Variants in CACNA2D3 observed in about 807,000 individuals in gnomAD.
CACNA2D3 encodes calcium voltage-gated channel auxiliary subunit alpha2delta 3.
A neutral mutation model predicts 160.6 loss-of-function variants in CACNA2D3; 60 were observed. That is an observed-to-expected ratio of 0.37 (90% confidence interval 0.30 to 0.46). The LOEUF is 0.46. CACNA2D3 is among the 20% of genes least tolerant of loss of function. The pLI is 1.00. For missense variants in CACNA2D3, 1,205 were observed against 1,365.0 expected, an observed-to-expected ratio of 0.88 and a Z score of 1.85; for synonymous variants, 558 against 492.9, an observed-to-expected ratio of 1.13 and a Z score of -1.75.
intron 27 of CACNA2D3, among the ~76,000 whole-genome samples, chr3:54,903,673 A>G (rs1700390039): frequency 6.6e-6 from 1 of 152,230 alleles, no homozygotes; most frequent in African/African-American, 2.4e-5. Flanking sequence ...CACTCCCACC[A>G]ACAGTGTATA....
intron 27 of CACNA2D3, among the ~76,000 whole-genome samples, chr3:54,911,351 C>CTGTTTTT (rs1700551632): frequency 1.7e-5 from 1 of 58,586 alleles, no homozygotes; most frequent in African/African-American, 8.8e-5. Flanking sequence ...TCTTTGTCGT[C>CTGTTTTT]TTTTTTTTTT....
intron 27 of CACNA2D3, among the ~76,000 whole-genome samples, chr3:54,933,058 TTCCTTCCTTCC>T (rs1228534882): frequency 3.4e-3 from 24 of 7,052 alleles, no homozygotes; most frequent in Non-Finnish European, 6.2e-3. Flanking sequence ...CCTCCCTTCC[TTCCTTCCTTCC>T]TTCCTTCCTT....
chr3:55,045,315 G>T (rs1704051703), intron 35 of CACNA2D3, among the ~76,000 whole-genome samples: 1 of 152,192 alleles, frequency 6.6e-6, no homozygotes, highest in Non-Finnish European at 1.5e-5. Flanking sequence ...CTCCCAAAGT[G>T]CTGGGATTAC....
intron 2 of CACNA2D3, among the ~76,000 whole-genome samples, chr3:54,234,252 C>G (rs1478770698): frequency 6.6e-6 from 1 of 152,120 alleles, no homozygotes; most frequent in African/African-American, 2.4e-5. Context: ...TAGCTCAGAT[C>G]ATTAGAGAAA....
Position 54,574,735 on chromosome 3 carries a change from G to C in CACNA2D3, c.888+4631G>C, listed in dbSNP as rs189414037. On this transcript the variant is annotated intron_variant, in intron 8 of 37. Transcript: ENST00000474759. The stretch of plus-strand genomic sequence containing the variant: ...AAAAATGAGGGTGCTAATTCTGTCC[G>C]ATGTTGAAATTTGAAAAATGACTTT... 2.8e-4 allele frequency among the ~76,000 whole-genome samples: 42 copies of C among 152,294 alleles called. No individual in the cohort carries two copies. In the East Asian group the frequency reaches 7.3e-3, roughly 27 times the overall value.
At chr3:54,439,880 G>A (rs1700116838) in intron 4 of CACNA2D3, among the ~76,000 whole-genome samples, 1 of 152,168 alleles carries the variant, frequency 6.6e-6, no homozygotes, top group Non-Finnish European at 1.5e-5. Context: ...TGTCTGCAGT[G>A]CTTCTCCAAT....
intron 13 of CACNA2D3, among the ~76,000 whole-genome samples, chr3:54,801,060 C>T (rs1285213558): frequency 6.6e-6 from 1 of 151,008 alleles, no homozygotes; most frequent in Admixed American, 6.6e-5. Flanking sequence ...GATCTCAGCT[C>T]ACTGTAACCT....
intron 35 of CACNA2D3, among the ~76,000 whole-genome samples, chr3:55,033,598 ATATATATATC>A (rs1559469297): frequency 4.2e-5 from 6 of 143,450 alleles, no homozygotes; most frequent in African/African-American, 1.6e-4. Flanking sequence ...ATATATATAT[ATATATATATC>A]TCCTTGAAGT....
intron 14 of CACNA2D3, among the ~76,000 whole-genome samples, chr3:54,834,029 C>A (rs1345190530): frequency 1.3e-5 from 2 of 152,090 alleles, no homozygotes; most frequent in Non-Finnish European, 2.9e-5. Context: ...AGTACAAATG[C>A]AATATTATGG....
intron 2 of CACNA2D3, among the ~76,000 whole-genome samples, chr3:54,319,725 A>G (rs1335647738): frequency 6.6e-6 from 1 of 152,166 alleles, no homozygotes; most frequent in African/African-American, 2.4e-5. Flanking sequence ...GATATTTACC[A>G]TATTAGAAAT....
At chr3:54,298,168 G>C (rs530919794) in intron 2 of CACNA2D3, among the ~76,000 whole-genome samples, 1 of 152,332 alleles carries the variant, frequency 6.6e-6, no homozygotes, top group South Asian at 2.1e-4. Flanking sequence ...TCTGGGTATT[G>C]ATGGATGAGT....
chr3:54,882,086 A>T (rs1390124071), intron 21 of CACNA2D3, among the ~76,000 whole-genome samples: 2 of 152,210 alleles, frequency 1.3e-5, no homozygotes, highest in Non-Finnish European at 2.9e-5. Flanking sequence ...TCCCAGAGAC[A>T]TGCCAGAGAA....
In CACNA2D3 at chr3:54,496,765, G is replaced by A. The variant is rs145901844; in HGVS notation, c.382-6727G>A. Among the ~76,000 whole-genome samples, 19 of 152,220 alleles carry A rather than the reference G, an allele frequency of 1.2e-4. No homozygotes were observed. The East Asian group carries it at 3.7e-3, about 29-fold the overall frequency. ...TTTTCCTAGAAATATTACAGATTTA[G>A]TTTTTACATTTAAGTCTGTCATCCA... On this transcript the variant is annotated intron_variant, in intron 4 of 37. Transcript: ENST00000474759.
intron 2 of CACNA2D3, among the ~76,000 whole-genome samples, chr3:54,281,443 G>A (rs1702880187): frequency 6.6e-6 from 1 of 152,164 alleles, no homozygotes; most frequent in South Asian, 2.1e-4. Context: ...CGGTGGCAGA[G>A]TGGATCATGA....
At chr3:54,658,625 A>G (rs1029619483) in intron 11 of CACNA2D3, among the ~76,000 whole-genome samples, 8 of 152,222 alleles carry the variant, frequency 5.3e-5, no homozygotes, top group Admixed American at 4.6e-4. Context: ...CCAGAAGCAT[A>G]AGCAACAAAA....
chr3:54,308,381 C>T (rs953844166), intron 2 of CACNA2D3, among the ~76,000 whole-genome samples: 1 of 152,134 alleles, frequency 6.6e-6, no homozygotes, highest in African/African-American at 2.4e-5. Flanking sequence ...ATAAGGGCCA[C>T]GTCCAGGCTA....
chr3:54,857,920 C>G (rs574109089), intron 17 of CACNA2D3, among the ~76,000 whole-genome samples: 1 of 152,166 alleles, frequency 6.6e-6, no homozygotes, highest in East Asian at 1.9e-4. Context: ...GGAGCCTTGG[C>G]TTTATGCTAT....
intron 13 of CACNA2D3, among the ~76,000 whole-genome samples, chr3:54,787,510 G>A (rs1318959590): frequency 6.6e-6 from 1 of 152,122 alleles, no homozygotes; most frequent in East Asian, 1.9e-4. Flanking sequence ...TAATTAAACT[G>A]ACAAAAACAG....
chr3:54,618,379 A>ACACG (rs1553753020), intron 9 of CACNA2D3, among the ~76,000 whole-genome samples: 1 of 141,654 alleles, frequency 7.1e-6, no homozygotes, highest in African/African-American at 2.6e-5. Flanking sequence ...ATATATGCAC[A>ACACG]CACACACACA....
Sources: gnomAD v4.1 joint callset for allele counts (sites outside exome capture counted in the v4.1 genomes callset) on GRCh38, gnomAD v4.1.1 for gene constraint, MANE v1.5 for transcripts, NCBI Gene and HGNC (gene_info 2026-07-23, HGNC 2026-07-21) for gene names.